CADPS2: variants seen among roughly 807,000 people sequenced by gnomAD.
The protein encoded by CADPS2 is calcium dependent secretion activator 2, also known as calcium-dependent secretion activator 2.
Under a neutral mutation model 172.5 loss-of-function variants are expected in CADPS2, and 93 were observed. The observed-to-expected ratio is 0.54, with a 90% CI of 0.46 to 0.64. The LOEUF is 0.64. CADPS2 is among the 30% of genes least tolerant of loss of function. The pLI, the probability that CADPS2 is intolerant of heterozygous loss-of-function variation, is 0.00. For missense variants in CADPS2, 1,420 were observed against 1,565.9 expected (o/e 0.91, Z 1.57); for synonymous variants, 546 against 555.2 (o/e 0.98, Z 0.23).
intron 6 of CADPS2, among the ~76,000 whole-genome samples, chr7:122,595,491 A>C (rs1157522700): frequency 1.3e-5 from 2 of 152,082 alleles, no homozygotes; most frequent in African/African-American, 2.4e-5. Flanking sequence ...ATGTCAGTAC[A>C]TACTATTCTT....
In CADPS2 at chr7:122,886,330, T is replaced by G. The variant is rs1824377489; in HGVS notation, c.8A>C (p.Asp3Ala). ...CGACTCCTCTTCGCTGGAAGACGGG[T>G]CCAGCATGGTGCTCGGGGATCCCCG... Reference protein sequence around the residue: MLDPSSSEEESDE... With the variant: MLAPSSSEEESDE... The change falls in exon 1 of 30, where the codon GAC becomes GCC. Residue 3 changes from aspartate (D) to alanine (A), a missense_variant. Physicochemically the swap from Asp to Ala is moderately radical, Grantham distance 126. Transcript: ENST00000449022. 1 of 1,499,802 alleles carries G rather than the reference T, an allele frequency of 6.7e-7. No homozygotes were observed. 92.9% of individuals were successfully genotyped at this position (1,499,802 alleles called of 1,614,324 possible). A position where few individuals can be genotyped will look rare whatever the true frequency, so the allele number is the denominator to read the frequency against.
intron 2 of CADPS2, among the ~76,000 whole-genome samples, chr7:122,723,043 A>G (rs930738987): frequency 3.9e-5 from 6 of 152,166 alleles, no homozygotes; most frequent in African/African-American, 1.4e-4. Flanking sequence ...GATGGATTAA[A>G]GACTTAAATG....
chr7:122,386,395 T>C (rs1270209013), intron 24 of CADPS2: 2 of 829,830 alleles, frequency 2.4e-6, no homozygotes, highest in Non-Finnish European at 3.5e-6. Context: ...GTAATTACAA[T>C]GGGAAAAAAA....
At chr7:122,428,078 G>A (rs1208413055) in intron 17 of CADPS2, among the ~76,000 whole-genome samples, 1 of 152,122 alleles carries the variant, frequency 6.6e-6, no homozygotes, top group Non-Finnish European at 1.5e-5. Flanking sequence ...TTAGCTAGTG[G>A]ATTGATGGAG....
At chr7:122,882,538 G>T (rs1252643522) in intron 1 of CADPS2, among the ~76,000 whole-genome samples, 5 of 151,654 alleles carry the variant, frequency 3.3e-5, no homozygotes, top group Admixed American at 3.3e-4. Flanking sequence ...TCACATTTAT[G>T]AGTAAAGGTA....
At chr7:122,645,818 GTA>G (rs1200409594) in intron 3 of CADPS2, among the ~76,000 whole-genome samples, 2 of 148,586 alleles carry the variant, frequency 1.3e-5, no homozygotes, top group Non-Finnish European at 3.0e-5. Flanking sequence ...ATATATATAT[GTA>G]TATATATAAA....
At chr7:122,837,692 AT>A (rs1808968174) in intron 1 of CADPS2, among the ~76,000 whole-genome samples, 1 of 152,234 alleles carries the variant, frequency 6.6e-6, no homozygotes, top group Non-Finnish European at 1.5e-5. Context: ...AAATGGATAA[AT>A]TCCTGGACAC....
intron 7 of CADPS2, among the ~76,000 whole-genome samples, chr7:122,566,646 C>G (rs1292743964): frequency 6.6e-6 from 1 of 152,050 alleles, no homozygotes; most frequent in Non-Finnish European, 1.5e-5. Flanking sequence ...GAGAATGTTT[C>G]AATTTACTTC....
intron 2 of CADPS2, among the ~76,000 whole-genome samples, chr7:122,727,271 A>C (rs1157665114): frequency 6.6e-6 from 1 of 151,792 alleles, no homozygotes; most frequent in African/African-American, 2.4e-5. Flanking sequence ...TACCTTTGCA[A>C]TGTGTTAGCT....
chr7:122,621,783 G>A, intron 4 of CADPS2, 66 bp from the exon 5 acceptor site: 3 of 870,774 alleles, frequency 3.4e-6, no homozygotes, highest in East Asian at 5.3e-5. Context: ...ATACAAAATT[G>A]TATGATATAT....
At chr7:122,343,638 C>T (rs1423822126) in intron 28 of CADPS2, among the ~76,000 whole-genome samples, 1 of 152,162 alleles carries the variant, frequency 6.6e-6, no homozygotes, top group African/African-American at 2.4e-5. Flanking sequence ...TTCACCCATT[C>T]CCCTTGACAA....
At chr7:122,752,835 C>T (rs1043870617) in intron 1 of CADPS2, among the ~76,000 whole-genome samples, 4 of 152,140 alleles carry the variant, frequency 2.6e-5, no homozygotes, top group South Asian at 2.1e-4. Context: ...AAGAATAGGA[C>T]GCATCAAGTA....
At chr7:122,532,046 AAAAC>A (rs755860927) in intron 8 of CADPS2, among the ~76,000 whole-genome samples, 38 of 148,966 alleles carry the variant, frequency 2.6e-4, no homozygotes, top group Non-Finnish European at 3.7e-4. Context: ...AAAAAAAAAC[AAAAC>A]AAACAAACAA....
At chr7:122,834,089 TA>T (rs1807480642) in intron 1 of CADPS2, among the ~76,000 whole-genome samples, 1 of 152,184 alleles carries the variant, frequency 6.6e-6, no homozygotes, top group Admixed American at 6.5e-5. Context: ...AGTAAACTTA[TA>T]AACTGTTCAG....
chr7:122,492,762 C>G (rs528927674), intron 9 of CADPS2, among the ~76,000 whole-genome samples: 61 of 152,026 alleles, frequency 4.0e-4, no homozygotes, highest in Middle Eastern at 6.8e-3. Flanking sequence ...GACAGTGGCA[C>G]GATTATGGCT....
In CADPS2 at chr7:122,593,085, C is replaced by A. The variant is rs193243220; in HGVS notation, c.1224-11795G>T. 1.3e-3 allele frequency among the ~76,000 whole-genome samples: 204 copies of A among 151,936 alleles called. 1 individual carries two copies. Among genetic ancestry groups the A allele is most frequent in the African/African-American group, 4.6e-3 (192 of 41,466 alleles). On this transcript the variant is annotated intron_variant, in intron 6 of 29. Coordinates refer to ENST00000449022, the MANE Select transcript of CADPS2 (RefSeq NM_017954.11). ...ACAGAGTTTAATAATATACTGCATG[C>A]AATACAGTGAGGACAATGAATAGAA...
chr7:122,782,612 G>GCAA (rs528094073), intron 1 of CADPS2, among the ~76,000 whole-genome samples: 82 of 151,908 alleles, frequency 5.4e-4, no homozygotes, highest in South Asian at 3.1e-3. Context: ...CCCTGTCTCA[G>GCAA]CAACAACAAC....
chr7:122,726,971 G>A (rs2091172762), intron 2 of CADPS2, among the ~76,000 whole-genome samples: 1 of 151,924 alleles, frequency 6.6e-6, no homozygotes, highest in Non-Finnish European at 1.5e-5. Context: ...GAGTAATCCT[G>A]TAAAATGGAA....
chr7:122,554,795 C>A, intron 7 of CADPS2, 106 bp from the exon 8 acceptor site: 4 of 942,510 alleles, frequency 4.2e-6, no homozygotes, highest in Non-Finnish European at 6.0e-6. Context: ...GATGTCAACA[C>A]CCAAATGTAT....
Sources: gnomAD v4.1 joint callset for allele counts (sites outside exome capture counted in the v4.1 genomes callset) on GRCh38, gnomAD v4.1.1 for gene constraint, MANE v1.5 for transcripts, NCBI Gene and HGNC (gene_info 2026-07-23, HGNC 2026-07-21) for gene names.